Variants in AP3B1 observed in about 807,000 individuals in gnomAD.
The protein encoded by AP3B1 is AP-3 complex subunit beta-1.
AP3B1 carries 61 observed loss-of-function variants against 132.5 expected under a neutral mutation model. That is an observed-to-expected ratio of 0.46 (90% CI 0.37 to 0.57). AP3B1 has a LOEUF of 0.57. Among genes scored for constraint, AP3B1 ranks in the 20% least tolerant of loss-of-function variants. The pLI, the probability that AP3B1 is intolerant of heterozygous loss-of-function variation, is 0.00. For missense variants in AP3B1, 1,120 were observed against 1,289.4 expected, an observed-to-expected ratio of 0.87 and a Z score of 2.01; for synonymous variants, 388 against 438.3, an observed-to-expected ratio of 0.89 and a Z score of 1.43.
chr5:78,088,852 A>G (rs1750378174), intron 22 of AP3B1: 2 of 153,442 alleles, frequency 1.3e-5, no homozygotes, highest in South Asian at 4.1e-4. Context: ...TTTTTGCATT[A>G]TTTTGTGACA....
chr5:78,081,572 C>G (rs953516559), intron 22 of AP3B1, among the ~76,000 whole-genome samples: 1 of 152,092 alleles, frequency 6.6e-6, no homozygotes, highest in African/African-American at 2.4e-5. Context: ...GCCAGGATTA[C>G]AGGCGTGAGC....
intron 7 of AP3B1, among the ~76,000 whole-genome samples, chr5:78,187,948 T>C (rs1744669863): frequency 6.6e-6 from 1 of 152,174 alleles, no homozygotes. Flanking sequence ...AACCATCTGA[T>C]CTTCAACAAA....
At chr5:78,165,823 C>A in intron 11 of AP3B1, 151 bp from the exon 12 acceptor site, 4 of 688,530 alleles carry the variant, frequency 5.8e-6, no homozygotes, top group Non-Finnish European at 7.8e-6. Context: ...AATCCCAGCA[C>A]TTTGGGAAGC....
At position 78,003,069 on chromosome 5, in the gene AP3B1, AAGAG is replaced by A; in HGVS notation, c.3132-18_3132-15del. On this transcript the variant is annotated splice_polypyrimidine_tract_variant and intron_variant, in intron 26 of 26. Transcript: ENST00000255194. ...TTAGCTGCAAACCTGGAAGAGAAAA[AAGAG>A]AGACCTTTTATCATAAGATGGGGAG... 1 of 1,613,838 alleles carries A rather than the reference AAGAG, an allele frequency of 6.2e-7. No homozygotes were observed.
chr5:78,026,787 C>A (rs990494381), intron 24 of AP3B1, among the ~76,000 whole-genome samples: 3 of 152,172 alleles, frequency 2.0e-5, no homozygotes, highest in African/African-American at 4.8e-5. Flanking sequence ...CCTTCCTGGT[C>A]AATACCAGAC....
intron 22 of AP3B1, among the ~76,000 whole-genome samples, chr5:78,079,449 A>G (rs1749899173): frequency 6.6e-6 from 1 of 152,218 alleles, no homozygotes; most frequent in Admixed American, 6.5e-5. Flanking sequence ...CATGGAGCAA[A>G]TAAGATTTTA....
At chr5:78,195,550 C>A (rs1400031162) in intron 7 of AP3B1, among the ~76,000 whole-genome samples, 1 of 152,072 alleles carries the variant, frequency 6.6e-6, no homozygotes. Flanking sequence ...CCAGGCGCAG[C>A]GGCTCACGCC....
chr5:78,021,983 A>G (rs1359710580), intron 24 of AP3B1, among the ~76,000 whole-genome samples: 1 of 152,190 alleles, frequency 6.6e-6, no homozygotes, highest in Admixed American at 6.5e-5. Flanking sequence ...GATTGTGGAT[A>G]AGAAATACTA....
chr5:78,106,983 T>C (rs1008332953), intron 20 of AP3B1, among the ~76,000 whole-genome samples: 1 of 152,172 alleles, frequency 6.6e-6, no homozygotes, highest in African/African-American at 2.4e-5. Flanking sequence ...GTAATTAATA[T>C]AAATGTTTTA....
intron 20 of AP3B1, among the ~76,000 whole-genome samples, chr5:78,108,648 G>A (rs941784806): frequency 2.0e-5 from 3 of 152,144 alleles, no homozygotes; most frequent in African/African-American, 4.8e-5. Context: ...TTATACTGAC[G>A]TTCTATAGGA....
intron 22 of AP3B1, chr5:78,087,616 T>G: frequency 1.0e-6 from 1 of 985,390 alleles, no homozygotes; most frequent in South Asian, 4.7e-5. Flanking sequence ...CACTCAGCCG[T>G]GTCAACTGGC....
chr5:78,274,921 T>A (rs1168272166), intron 1 of AP3B1, among the ~76,000 whole-genome samples: 1 of 149,444 alleles, frequency 6.7e-6, no homozygotes, highest in African/African-American at 2.5e-5. Flanking sequence ...TATCTTTTTT[T>A]TAAAAAAAAA....
At chr5:78,127,694 C>A (rs1020489823) in intron 17 of AP3B1, among the ~76,000 whole-genome samples, 5 of 152,074 alleles carry the variant, frequency 3.3e-5, no homozygotes, top group African/African-American at 1.2e-4. Context: ...TTACAAATCT[C>A]TAAACAAAGT....
chr5:78,114,080 T>C (rs565798512), intron 18 of AP3B1, among the ~76,000 whole-genome samples, 157 bp from the exon 19 acceptor site: 2 of 152,338 alleles, frequency 1.3e-5, no homozygotes, highest in African/African-American at 2.4e-5. Context: ...CCCCATTCTT[T>C]CAGCTCTATG....
At chr5:78,066,854 A>T (rs1749313901) in intron 22 of AP3B1, among the ~76,000 whole-genome samples, 1 of 152,168 alleles carries the variant, frequency 6.6e-6, no homozygotes, top group African/African-American at 2.4e-5. Context: ...CGACCCCAAG[A>T]CACTAATCGT....
intron 1 of AP3B1, among the ~76,000 whole-genome samples, 191 bp from the exon 2 acceptor site, chr5:78,267,786 T>C (rs1252595524): frequency 1.3e-5 from 2 of 152,206 alleles, no homozygotes; most frequent in African/African-American, 2.4e-5. Flanking sequence ...CTTGATCTTG[T>C]ACTCCCAGGC....
At chr5:78,203,984 C>G (rs1433458169) in intron 7 of AP3B1, among the ~76,000 whole-genome samples, 1 of 152,146 alleles carries the variant, frequency 6.6e-6, no homozygotes, top group Non-Finnish European at 1.5e-5. Context: ...CTTGGAGAGT[C>G]ATTGTTTTCC....
intron 2 of AP3B1, among the ~76,000 whole-genome samples, chr5:78,254,957 T>C (rs549247670): frequency 6.6e-6 from 1 of 152,084 alleles, no homozygotes; most frequent in African/African-American, 2.4e-5. Flanking sequence ...GAGACGAAGT[T>C]AAAGCACGGA....
chr5:78,286,998 T>C (rs1165606465), intron 1 of AP3B1, among the ~76,000 whole-genome samples: 1 of 152,238 alleles, frequency 6.6e-6, no homozygotes, highest in Non-Finnish European at 1.5e-5. Context: ...CAGTAGTTCA[T>C]TTATATACAC....
Sources: allele counts gnomAD v4.1 joint callset (sites outside exome capture counted in the v4.1 genomes callset), GRCh38; gene constraint gnomAD v4.1.1; transcripts MANE v1.5; gene names NCBI Gene and HGNC (gene_info 2026-07-23, HGNC 2026-07-21).